The following TMEM132C variants were observed in gnomAD, a reference collection of about 807,000 sequenced individuals.
TMEM132C encodes the protein protein phosphatase 1, regulatory subunit 152.
In TMEM132C, 29 loss-of-function variants were observed where a neutral mutation model predicts 61.4. That is an observed-to-expected ratio of 0.47 (90% CI 0.35 to 0.64). The LOEUF is 0.64. TMEM132C is among the 30% of genes least tolerant of loss of function. The pLI, the probability that TMEM132C is intolerant of heterozygous loss-of-function variation, is 0.00. For synonymous variants in TMEM132C, 656 were observed against 633.1 expected (o/e 1.04, Z -0.54); for missense variants, 1,408 against 1,476.9 (o/e 0.95, Z 0.76).
chr12:128,547,456 C>G (rs956477681), intron 3 of TMEM132C, among the ~76,000 whole-genome samples: 3 of 149,792 alleles, frequency 2.0e-5, no homozygotes, highest in African/African-American at 7.4e-5. Context: ...CCCAGCTACT[C>G]GGGAGGCTGA....
At chr12:128,449,266 TG>T (rs886830340) in intron 2 of TMEM132C, among the ~76,000 whole-genome samples, 1 of 151,912 alleles carries the variant, frequency 6.6e-6, no homozygotes, top group African/African-American at 2.4e-5. Flanking sequence ...AAGGCTGCTC[TG>T]GGGGGCATGT....
At chr12:128,459,365 T>C (rs1424698049) in intron 2 of TMEM132C, among the ~76,000 whole-genome samples, 2 of 152,174 alleles carry the variant, frequency 1.3e-5, no homozygotes, top group Non-Finnish European at 1.5e-5. Flanking sequence ...CAGGAGGGCC[T>C]GAATGAGCTC....
intron 2 of TMEM132C, among the ~76,000 whole-genome samples, chr12:128,424,407 G>A (rs1278726088): frequency 2.0e-5 from 3 of 151,288 alleles, no homozygotes; most frequent in Non-Finnish European, 4.4e-5. Flanking sequence ...ATAAACCACT[G>A]GTACATGCTA....
intron 4 of TMEM132C, among the ~76,000 whole-genome samples, chr12:128,620,232 C>CAAAAAA (rs386378194): frequency 4.8e-5 from 3 of 62,004 alleles, no homozygotes; most frequent in African/African-American, 1.7e-4. Flanking sequence ...GACCCTGTCT[C>CAAAAAA]AAAAAAAAAA....
Position 128,616,310 on chromosome 12 carries a change from T to A in TMEM132C, c.1280T>A (p.Leu427Gln). The A allele has an allele frequency of 6.4e-7, 1 of 1,551,956 alleles. No homozygotes were observed. The highest frequency in any genetic ancestry group is 8.7e-7 in the Non-Finnish European group (1 of 1,146,998). Residue 427 changes from leucine (L) to glutamine (Q), a missense_variant, in exon 4 of 9, where the codon CTG becomes CAG. By Grantham distance (113) the Leu-to-Gln change is moderately radical (BLOSUM62 -2). Transcript: ENST00000435159. ...GAGATCTTTGTCAGCCAGAAGGACCTGGTGGGCATCGTTCCCTTGGCTATG... is the reference window on the plus strand; with the variant it reads ...GAGATCTTTGTCAGCCAGAAGGACCAGGTGGGCATCGTTCCCTTGGCTATG... ...VSEIFVSQKD[L>Q]VGIVPLAMDT...
chr12:128,486,876 AAC>A (rs56407388), intron 2 of TMEM132C, among the ~76,000 whole-genome samples: 42,036 of 130,614 alleles, frequency 0.32, 6,101 homozygotes, highest in Middle Eastern at 0.4. Flanking sequence ...TGTGCATGCA[AAC>A]ACACACACAC....
At chr12:128,431,192 T>C (rs1869373765) in intron 2 of TMEM132C, among the ~76,000 whole-genome samples, 1 of 152,106 alleles carries the variant, frequency 6.6e-6, no homozygotes, top group African/African-American at 2.4e-5. Context: ...ATGGAGAAAG[T>C]TTTAGGGGTC....
At chr12:128,317,297 A>C (rs918082554) in intron 1 of TMEM132C, among the ~76,000 whole-genome samples, 2 of 152,230 alleles carry the variant, frequency 1.3e-5, no homozygotes, top group African/African-American at 4.8e-5. Context: ...AAAAGAAGTA[A>C]GAACAGACGT....
intron 1 of TMEM132C, among the ~76,000 whole-genome samples, chr12:128,289,507 G>A (rs758215779): frequency 2.2e-4 from 34 of 152,250 alleles, no homozygotes; most frequent in Non-Finnish European, 4.6e-4. Flanking sequence ...AGAACACGGC[G>A]TACCTGGTTT....
intron 3 of TMEM132C, among the ~76,000 whole-genome samples, chr12:128,549,666 C>T (rs949785900): frequency 2.0e-5 from 3 of 152,118 alleles, no homozygotes; most frequent in Non-Finnish European, 4.4e-5. Flanking sequence ...GAATGATGAA[C>T]CGTGTCGTGC....
chr12:128,365,715 G>C (rs1321238005), intron 1 of TMEM132C, among the ~76,000 whole-genome samples: 1 of 152,114 alleles, frequency 6.6e-6, no homozygotes, highest in African/African-American at 2.4e-5. Context: ...AATCTCCGAG[G>C]ATGGCTCCTC....
chr12:128,519,432 A>G (rs1431802748), intron 2 of TMEM132C, among the ~76,000 whole-genome samples: 1 of 152,208 alleles, frequency 6.6e-6, no homozygotes, highest in Non-Finnish European at 1.5e-5. Flanking sequence ...TGTGCTAGAC[A>G]TTGTCCCTAT....
chr12:128,689,912 A>C (rs1954706175), intron 5 of TMEM132C, among the ~76,000 whole-genome samples: 1 of 152,180 alleles, frequency 6.6e-6, no homozygotes. Context: ...AGGCTCGCTC[A>C]AGTCTGAGAA....
chr12:128,454,517 T>G (rs80042125), intron 2 of TMEM132C, among the ~76,000 whole-genome samples: 23,487 of 152,242 alleles, frequency 0.15, 2,662 homozygotes, highest in African/African-American at 0.31. Flanking sequence ...GACCATTTGG[T>G]TTTGCCTCTA....
chr12:128,607,097 G>A (rs999557919), intron 3 of TMEM132C, among the ~76,000 whole-genome samples: 1 of 152,126 alleles, frequency 6.6e-6, no homozygotes, highest in Non-Finnish European at 1.5e-5. Flanking sequence ...AGGGTGATAT[G>A]GGAGGGTTCA....
intron 1 of TMEM132C, among the ~76,000 whole-genome samples, chr12:128,361,098 G>A (rs541799256): frequency 6.6e-6 from 1 of 152,322 alleles, no homozygotes; most frequent in Admixed American, 6.5e-5. Context: ...GGCGGATCAT[G>A]CTCGCTGTTA....
chr12:128,703,928 C>T (rs2135662591), intron 8 of TMEM132C, among the ~76,000 whole-genome samples: 1 of 152,272 alleles, frequency 6.6e-6, no homozygotes, highest in African/African-American at 2.4e-5. Context: ...TGGGAGTTCC[C>T]ACTCTTGGAA....
intron 4 of TMEM132C, among the ~76,000 whole-genome samples, chr12:128,655,280 G>C (rs1195861813): frequency 6.6e-6 from 1 of 152,136 alleles, no homozygotes; most frequent in African/African-American, 2.4e-5. Context: ...GCCGGGGTCT[G>C]CACTTGGCCT....
At chr12:128,655,338 C>G (rs1954315250) in intron 4 of TMEM132C, among the ~76,000 whole-genome samples, 1 of 152,152 alleles carries the variant, frequency 6.6e-6, no homozygotes, top group African/African-American at 2.4e-5. Context: ...AGAGGCCTCC[C>G]CTGCAATGCC....
Sources: gnomAD v4.1 joint callset for allele counts (sites outside exome capture counted in the v4.1 genomes callset) on GRCh38, gnomAD v4.1.1 for gene constraint, MANE v1.5 for transcripts, NCBI Gene and HGNC (gene_info 2026-07-23, HGNC 2026-07-21) for gene names.